Variants in SNAPC3 observed in about 807,000 individuals in gnomAD.
The protein encoded by SNAPC3 is small nuclear RNA activating complex polypeptide 3.
A neutral mutation model predicts 47.7 loss-of-function variants in SNAPC3; 56 were observed. That is an observed-to-expected ratio of 1.18 (90% CI 0.95 to 1.47). The LOEUF is 1.47. SNAPC3 is among the 40% of genes most tolerant of loss of function. SNAPC3 has a pLI of 0.00. For missense variants in SNAPC3, 665 were observed against 511.3 expected, an observed-to-expected ratio of 1.30 and a Z score of -2.90; for synonymous variants, 235 against 189.9, an observed-to-expected ratio of 1.24 and a Z score of -1.95.
intron 2 of SNAPC3, among the ~76,000 whole-genome samples, chr9:15,427,639 G>A (rs780131649): frequency 7.2e-5 from 11 of 152,160 alleles, no homozygotes; most frequent in African/African-American, 1.4e-4. Flanking sequence ...GAGCCACGAC[G>A]CCCAGCCCTT....
intron 5 of SNAPC3, among the ~76,000 whole-genome samples, chr9:15,447,950 A>T (rs2034074371): frequency 6.6e-6 from 1 of 152,174 alleles, no homozygotes; most frequent in African/African-American, 2.4e-5. Context: ...GGCTACCCAC[A>T]ATGTTTTCAG....
In SNAPC3 at chr9:15,436,084, TC is replaced by T. The variant is rs986382830; in HGVS notation, c.477+2450del. 3.3e-5 allele frequency among the ~76,000 whole-genome samples: 5 copies of T among 152,310 alleles called. No homozygotes were observed. The East Asian group carries it at 5.8e-4, about 18-fold the overall frequency. ...GTCTCGAACTCCTGACCTCAGGTGA[TC>T]CATGCGCCTCGGTCTCCCAAAGTGC... On this transcript the variant is annotated intron_variant, in intron 3 of 8. Coordinates refer to ENST00000380821, the MANE Select transcript of SNAPC3 (RefSeq NM_001039697.2).
At chr9:15,429,976 C>G (rs2031927454) in intron 2 of SNAPC3, among the ~76,000 whole-genome samples, 1 of 152,094 alleles carries the variant, frequency 6.6e-6, no homozygotes. Flanking sequence ...ATTCAAGCCC[C>G]AAAGTATTAC....
rs942888750 is a variant in SNAPC3 at position 15,460,335 on chromosome 9, G to A, written c.*469G>A. The A allele has an allele frequency of 1.3e-5, 2 of 152,346 alleles. No individual in the cohort carries two copies. The highest frequency in any genetic ancestry group is 4.8e-5 in the African/African-American group (2 of 41,480). 9.4% of individuals were successfully genotyped at this position (152,346 alleles called of 1,614,324 possible). A position where few individuals can be genotyped will look rare whatever the true frequency, so the allele number is the denominator to read the frequency against. On this transcript the variant is annotated 3_prime_UTR_variant, in exon 9 of 9. Transcript: ENST00000380821. Reference sequence around the variant, plus strand: ...CAAGGTAAAGATCCTTCAAATAACTGTAATGGAAACTAGGGAGAATGAATT... The same window carrying A: ...CAAGGTAAAGATCCTTCAAATAACTATAATGGAAACTAGGGAGAATGAATT...
chr9:15,458,072 G>A lies in SNAPC3; in HGVS notation c.1088+5G>A. The stretch of plus-strand genomic sequence containing the variant: ...TTGTAAAATGTATACAGCCAGGTGA[G>A]TGATAATGTATTTTTTTTTTTCTCT... On this transcript the variant is annotated splice_donor_5th_base_variant and intron_variant, in intron 8 of 8. Transcript: ENST00000380821. The A allele has an allele frequency of 2.1e-6, 3 of 1,421,224 alleles. No individual in the cohort carries two copies. The highest frequency in any genetic ancestry group is 2.8e-6 in the Non-Finnish European group (3 of 1,063,754). 88.0% of individuals were successfully genotyped at this position (1,421,224 alleles called of 1,614,324 possible). A position where few individuals can be genotyped will look rare whatever the true frequency, so the allele number is the denominator to read the frequency against.
intron 5 of SNAPC3, among the ~76,000 whole-genome samples, chr9:15,448,286 G>A (rs1036213877): frequency 2.6e-5 from 4 of 151,536 alleles, no homozygotes; most frequent in Non-Finnish European, 5.9e-5. Flanking sequence ...TTATAATGAT[G>A]CTTCCCAAAT....
chr9:15,425,321 G>A (rs1378624063), intron 2 of SNAPC3, among the ~76,000 whole-genome samples: 4 of 152,110 alleles, frequency 2.6e-5, no homozygotes, highest in African/African-American at 7.2e-5. Context: ...GGGTTCAAGC[G>A]ATTCTCCTGC....
At chr9:15,444,791 C>T (rs1293705100) in intron 4 of SNAPC3, 85 bp downstream of exon 4, 1 of 723,736 alleles carries the variant, frequency 1.4e-6, no homozygotes, top group Non-Finnish European at 2.3e-6. Flanking sequence ...TATTCCTATG[C>T]TTACATTAAA....
chr9:15,453,018 A>G, intron 6 of SNAPC3, 23 bp from the exon 7 acceptor site: 2 of 1,589,596 alleles, frequency 1.3e-6, no homozygotes, highest in East Asian at 4.5e-5. Flanking sequence ...AAAATGATAT[A>G]TCCTTGCCTT....
intron 3 of SNAPC3, among the ~76,000 whole-genome samples, chr9:15,443,572 T>C (rs2033685588): frequency 6.6e-6 from 1 of 152,182 alleles, no homozygotes; most frequent in Admixed American, 6.5e-5. Context: ...TTTCCTTAAA[T>C]ACCTGGCTCC....
chr9:15,426,196 C>T (rs995171890), intron 2 of SNAPC3, among the ~76,000 whole-genome samples: 5 of 152,124 alleles, frequency 3.3e-5, no homozygotes, highest in Non-Finnish European at 5.9e-5. Flanking sequence ...TGCAGTGTTC[C>T]AGCCACACTG....
At position 15,460,995 on chromosome 9, in the gene SNAPC3, A is replaced by ACTTATTCTC. The variant is rs1391563590; in HGVS notation, c.*1131_*1139dup. On this transcript the variant is annotated 3_prime_UTR_variant, in exon 9 of 9. Coordinates refer to ENST00000380821, the MANE Select transcript of SNAPC3 (RefSeq NM_001039697.2). ...TCCTATTGATTGCTAGCTCTGGCTC[A>ACTTATTCTC]CTTATTCTCCGGTAATGATACTATT... The ACTTATTCTC allele has an allele frequency of 1.3e-5, 2 of 152,150 alleles. No homozygotes were observed. Among genetic ancestry groups the ACTTATTCTC allele is most frequent in the Admixed American group, 6.5e-5 (1 of 15,268 alleles). 9.4% of individuals were successfully genotyped at this position (152,150 alleles called of 1,614,324 possible).
chr9:15,431,830 A>G (rs1302165142), intron 2 of SNAPC3: 1 of 152,114 alleles, frequency 6.6e-6, no homozygotes, highest in Non-Finnish European at 1.5e-5. Context: ...TGTGTAATAT[A>G]ACACCACTGA....
At position 15,460,108 on chromosome 9, in the gene SNAPC3, TGAGTTGTA is replaced by T. The variant is rs2035093855; in HGVS notation, c.*244_*251del. 3.2e-6 allele frequency: 1 copy of T among 316,218 alleles called. No individual in the cohort carries two copies. Among genetic ancestry groups the T allele is most frequent in the African/African-American group, 2.1e-5 (1 of 46,730 alleles). 19.6% of individuals were successfully genotyped at this position (316,218 alleles called of 1,614,324 possible). A position where few individuals can be genotyped will look rare whatever the true frequency, so the allele number is the denominator to read the frequency against. ...TTAGTGCTTTTTACCCATTTTGAGT[TGAGTTGTA>T]GTACTTTATATATTCTGACTTTAAA... is the stretch of plus-strand genomic sequence containing the variant. On this transcript the variant is annotated 3_prime_UTR_variant, in exon 9 of 9. Transcript: ENST00000380821.
Position 15,460,887 on chromosome 9 carries a change from G to A in SNAPC3, c.*1021G>A, listed in dbSNP as rs1008007605. ...GACAAAAGCTTTATGAATGTTATGAGTTTAAAATATGTCAATTTAATACTA... is the reference window on the plus strand; with the variant it reads ...GACAAAAGCTTTATGAATGTTATGAATTTAAAATATGTCAATTTAATACTA... On this transcript the variant is annotated 3_prime_UTR_variant, in exon 9 of 9. Transcript: ENST00000380821. 1 of 152,082 alleles carries A rather than the reference G, an allele frequency of 6.6e-6. No individual in the cohort carries two copies. Among genetic ancestry groups the A allele is most frequent in the Non-Finnish European group, 1.5e-5 (1 of 67,998 alleles). 9.4% of individuals were successfully genotyped at this position (152,082 alleles called of 1,614,324 possible). A position where few individuals can be genotyped will look rare whatever the true frequency, so the allele number is the denominator to read the frequency against.
chr9:15,430,786 C>CT (rs2032040506), intron 2 of SNAPC3, among the ~76,000 whole-genome samples: 1 of 152,064 alleles, frequency 6.6e-6, no homozygotes, highest in East Asian at 1.9e-4. Context: ...TATTTTGCAG[C>CT]TAGAATAAAG....
At chr9:15,447,048 T>G (rs770970887) in intron 4 of SNAPC3, 47 bp from the exon 5 acceptor site, 2 of 1,540,550 alleles carry the variant, frequency 1.3e-6, no homozygotes, top group South Asian at 2.2e-5. Context: ...TTTGTAGTTT[T>G]ATCGCTTTGT....
chr9:15,423,542 G>C (rs903194658), intron 1 of SNAPC3, among the ~76,000 whole-genome samples: 1 of 152,204 alleles, frequency 6.6e-6, no homozygotes, highest in Admixed American at 6.5e-5. Context: ...GGAGGAACCT[G>C]AGTAATGGTG....
At chr9:15,434,503 G>T (rs953456446) in intron 3 of SNAPC3, among the ~76,000 whole-genome samples, 1 of 151,578 alleles carries the variant, frequency 6.6e-6, no homozygotes, top group Admixed American at 6.6e-5. Flanking sequence ...CGCCTCCTGG[G>T]TTCAAGCGAT....
Sources: allele counts gnomAD v4.1 joint callset (sites outside exome capture counted in the v4.1 genomes callset), GRCh38; gene constraint gnomAD v4.1.1; transcripts MANE v1.5; gene names NCBI Gene and HGNC (gene_info 2026-07-23, HGNC 2026-07-21).